CACNA2D1: variants seen among roughly 807,000 people sequenced by gnomAD.
CACNA2D1 encodes the protein calcium voltage-gated channel auxiliary subunit alpha2delta 1.
CACNA2D1 carries 53 observed loss-of-function variants against 171.5 expected under a neutral mutation model. That is an observed-to-expected ratio of 0.31 (90% CI 0.25 to 0.39). CACNA2D1 has a LOEUF of 0.39. Ranked by LOEUF, CACNA2D1 falls within the 10% of genes least tolerant of loss-of-function variation. The pLI is 1.00. For missense variants in CACNA2D1, 903 were observed against 1,299.8 expected (o/e 0.69, Z 4.69); for synonymous variants, 442 against 443.1 (o/e 1.00, Z 0.03).
At chr7:82,209,639 A>G (rs558126109) in intron 3 of CACNA2D1, among the ~76,000 whole-genome samples, 1 of 152,308 alleles carries the variant, frequency 6.6e-6, no homozygotes, top group South Asian at 2.1e-4. Context: ...TCCAACACTA[A>G]TGAGCTTGTT....
At chr7:82,399,359 G>A (rs1037307508) in intron 1 of CACNA2D1, among the ~76,000 whole-genome samples, 1 of 151,514 alleles carries the variant, frequency 6.6e-6, no homozygotes, top group African/African-American at 2.4e-5. Context: ...AGAATCACTT[G>A]AACCCAGGAG....
chr7:81,989,060 A>T (rs1228889409), intron 21 of CACNA2D1, among the ~76,000 whole-genome samples: 4 of 152,288 alleles, frequency 2.6e-5, no homozygotes, highest in African/African-American at 9.6e-5. Flanking sequence ...AGATGGGAAG[A>T]TGAGGGAATG....
Position 82,193,030 on chromosome 7 carries a change from T to A in CACNA2D1, c.295-22421A>T, listed in dbSNP as rs963502922. 4.6e-5 allele frequency among the ~76,000 whole-genome samples: 7 copies of A among 152,018 alleles called. No homozygotes were observed. In the East Asian group the frequency reaches 5.8e-4, roughly 13 times the overall value. On this transcript the variant is annotated intron_variant, in intron 3 of 38. Transcript: ENST00000356860. ...AGATCCCATTTGTTCTAATTCCCAG[T>A]CCCCTTTGTCTGATGCTTCTTCTGC...
At chr7:82,258,420 T>C (rs1334667780) in intron 3 of CACNA2D1, among the ~76,000 whole-genome samples, 1 of 152,142 alleles carries the variant, frequency 6.6e-6, no homozygotes, top group Non-Finnish European at 1.5e-5. Flanking sequence ...CACATTGTTG[T>C]CCTTAAAAAG....
chr7:82,109,106 A>G (rs779318763), intron 6 of CACNA2D1, among the ~76,000 whole-genome samples: 1 of 152,180 alleles, frequency 6.6e-6, no homozygotes, highest in African/African-American at 2.4e-5. Context: ...CTACTCTGCT[A>G]ATATCAGAAC....
chr7:82,434,807 A>C (rs1421194866), intron 1 of CACNA2D1, among the ~76,000 whole-genome samples: 2 of 152,050 alleles, frequency 1.3e-5, no homozygotes, highest in Non-Finnish European at 2.9e-5. Context: ...CTGACACGCT[A>C]CTTAGACTTC....
In CACNA2D1 at chr7:81,967,224, C is replaced by G; in HGVS notation, c.2464-17G>C. 2 of 1,595,414 alleles carry G rather than the reference C, an allele frequency of 1.3e-6. No individual in the cohort carries two copies. The highest frequency in any genetic ancestry group is 1.7e-6 in the Non-Finnish European group (2 of 1,164,778). On this transcript the variant is annotated splice_polypyrimidine_tract_variant and intron_variant, in intron 30 of 38. Transcript: ENST00000356860. ...ACCAGCACACTGAAAGACAAAAATG[C>G]GATTATCACCTCACTTTTAAAAGTT... is the stretch of plus-strand genomic sequence containing the variant.
intron 1 of CACNA2D1, among the ~76,000 whole-genome samples, chr7:82,359,760 C>T (rs1290548153): frequency 6.6e-6 from 1 of 152,062 alleles, no homozygotes; most frequent in Non-Finnish European, 1.5e-5. Flanking sequence ...GTTATTTCTC[C>T]AACAATATTT....
At chr7:82,199,068 G>A (rs766621629) in intron 3 of CACNA2D1, among the ~76,000 whole-genome samples, 5 of 151,938 alleles carry the variant, frequency 3.3e-5, no homozygotes, top group Admixed American at 1.3e-4. Context: ...CTAGTTTATA[G>A]CTGTAATAAT....
intron 12 of CACNA2D1, chr7:82,027,690 C>T (rs1382921975): frequency 6.6e-6 from 1 of 151,718 alleles, no homozygotes; most frequent in Non-Finnish European, 1.5e-5. Flanking sequence ...TCAAGTAAGT[C>T]CACTGTTGCC....
intron 1 of CACNA2D1, among the ~76,000 whole-genome samples, chr7:82,372,649 A>G (rs1822538507): frequency 6.8e-6 from 1 of 147,958 alleles, no homozygotes; most frequent in Non-Finnish European, 1.5e-5. Context: ...AAGACATAAA[A>G]GAGAATAATT....
intron 1 of CACNA2D1, among the ~76,000 whole-genome samples, chr7:82,401,818 C>T (rs1163627618): frequency 2.6e-5 from 4 of 152,116 alleles, no homozygotes; most frequent in Admixed American, 6.6e-5. Flanking sequence ...GCAAAAGTTT[C>T]CATCCTAGTA....
intron 4 of CACNA2D1, among the ~76,000 whole-genome samples, chr7:82,160,217 C>T (rs1318140943): frequency 6.6e-6 from 1 of 151,824 alleles, no homozygotes; most frequent in Non-Finnish European, 1.5e-5. Context: ...CATAATTAGC[C>T]AGGGCAACCT....
chr7:81,957,337 G>A (rs1288303730), intron 38 of CACNA2D1, among the ~76,000 whole-genome samples: 1 of 151,946 alleles, frequency 6.6e-6, no homozygotes, highest in Non-Finnish European at 1.5e-5. Flanking sequence ...CAACAACATT[G>A]GTCCTGAGAT....
intron 1 of CACNA2D1, among the ~76,000 whole-genome samples, chr7:82,402,476 G>A (rs1826531223): frequency 6.6e-6 from 1 of 152,108 alleles, no homozygotes; most frequent in South Asian, 2.1e-4. Flanking sequence ...ACTTTGGGAG[G>A]CTGAGGCAGG....
In CACNA2D1 at chr7:81,962,112, A is replaced by C. The variant is rs1794201973; in HGVS notation, c.2837-89T>G. On this transcript the variant is annotated intron_variant, in intron 35 of 38. Transcript: ENST00000356860. ...CCCCTCGAGTCTTCACTTCTCACAG[A>C]GCAAAATAAACGTATAAGACCAGGA... 10 of 1,275,664 alleles carry C rather than the reference A, an allele frequency of 7.8e-6. No individual in the cohort carries two copies. In the South Asian group the frequency reaches 1.2e-4, roughly 16 times the overall value. 79.0% of individuals were successfully genotyped at this position (1,275,664 alleles called of 1,614,324 possible).
chr7:82,057,439 GTA>G (rs1383584187), intron 10 of CACNA2D1, among the ~76,000 whole-genome samples: 1 of 152,118 alleles, frequency 6.6e-6, no homozygotes, highest in East Asian at 1.9e-4. Flanking sequence ...TTCCAAGTGT[GTA>G]TGTGTTGGGG....
chr7:82,217,962 T>G (rs1046762668), intron 3 of CACNA2D1, among the ~76,000 whole-genome samples: 2 of 151,024 alleles, frequency 1.3e-5, no homozygotes, highest in African/African-American at 4.9e-5. Flanking sequence ...TGAGAGGGAG[T>G]CTCGCCCTGT....
intron 38 of CACNA2D1, 143 bp from the exon 39 acceptor site, chr7:81,950,651 A>G (rs1792412490): frequency 8.3e-7 from 1 of 1,202,552 alleles, no homozygotes; most frequent in African/African-American, 1.5e-5. Context: ...TTGAAATCCA[A>G]AGAAATTACT....
Sources: allele counts gnomAD v4.1 joint callset (sites outside exome capture counted in the v4.1 genomes callset), GRCh38; gene constraint gnomAD v4.1.1; transcripts MANE v1.5; gene names NCBI Gene and HGNC (gene_info 2026-07-23, HGNC 2026-07-21).